The following MTFR1 variants were observed in gnomAD, a reference collection of about 807,000 sequenced individuals.
MTFR1 encodes mitochondrial fission regulator 1.
Under a neutral mutation model 38.8 loss-of-function variants are expected in MTFR1, and 28 were observed. That is an observed-to-expected ratio of 0.72 (90% CI 0.53 to 0.99). MTFR1 has a LOEUF of 0.99. MTFR1 is among the 50% of genes least tolerant of loss of function. The pLI is 0.00. For synonymous variants in MTFR1, 145 were observed against 137.0 expected, an observed-to-expected ratio of 1.06 and a Z score of -0.41; for missense variants, 358 against 395.5, an observed-to-expected ratio of 0.91 and a Z score of 0.81.
chr8:65,734,756 C>T (rs201373780), intron 3 of MTFR1: 4 of 1,160,096 alleles, frequency 3.4e-6, no homozygotes, highest in Non-Finnish European at 3.9e-6. Flanking sequence ...AAGGAATTTT[C>T]TTATGATTTT....
intron 3 of MTFR1, among the ~76,000 whole-genome samples, chr8:65,768,919 A>C (rs953231710): frequency 2.0e-5 from 3 of 152,190 alleles, no homozygotes; most frequent in Non-Finnish European, 4.4e-5. Context: ...CTATCTGAGG[A>C]AATTTTTTTA....
At chr8:65,775,775 G>A (rs754587503), downstream of MTFR1, among the ~76,000 whole-genome samples, 11 of 152,104 alleles carry the variant, frequency 7.2e-5, no homozygotes, top group African/African-American at 2.4e-4. Context: ...TTACAGGCAC[G>A]CACCACTGCA....
intron 3 of MTFR1, chr8:65,719,791 A>C: frequency 2.7e-6 from 1 of 370,856 alleles, no homozygotes; most frequent in Non-Finnish European, 5.1e-6. Context: ...CTTAAGCAAA[A>C]ATACACTGCC....
chr8:65,727,434 T>A (rs1381851838), intron 3 of MTFR1: 97 of 1,316,984 alleles, frequency 7.4e-5, no homozygotes, highest in Non-Finnish European at 9.6e-5. Flanking sequence ...CCTCAGGTGG[T>A]TGTTCATTAG....
chr8:65,708,250 T>C, intron 7 of MTFR1: 4 of 802,350 alleles, frequency 5.0e-6, no homozygotes, highest in Non-Finnish European at 7.4e-6. Context: ...TTTGGAAATT[T>C]GAAACTTGTA....
chr8:65,663,094 GA>G (rs1484320937), intron 1 of MTFR1, among the ~76,000 whole-genome samples: 2 of 152,222 alleles, frequency 1.3e-5, no homozygotes, highest in Non-Finnish European at 2.9e-5. Context: ...AGAAAGGGGG[GA>G]AAGGTGGGGA....
rs576380623 is a variant in MTFR1 at position 65,769,313 on chromosome 8, A to T, written c.*49-1634A>T. ...TATTTTTTTTAAAAAATTGTTATGAAAGTCTGCATGATACGGCCATCTGAG... is the reference window on the plus strand; with the variant it reads ...TATTTTTTTTAAAAAATTGTTATGATAGTCTGCATGATACGGCCATCTGAG... On this transcript the variant is annotated intron_variant, in intron 3 of 3. Transcript: ENST00000521247. 6.6e-5 allele frequency among the ~76,000 whole-genome samples: 10 copies of T among 152,204 alleles called. No homozygotes were observed. In the South Asian group the frequency reaches 1.9e-3, roughly 28 times the overall value.
chr8:65,719,076 T>C, intron 2 of MTFR1: 1 of 570,414 alleles, frequency 1.8e-6, no homozygotes, highest in South Asian at 2.3e-5. Context: ...AGGTTTCACA[T>C]GAAAGCCAAA....
intron 4 of MTFR1, among the ~76,000 whole-genome samples, chr8:65,703,183 C>T (rs1563456605): frequency 6.6e-6 from 1 of 151,438 alleles, no homozygotes; most frequent in Admixed American, 6.6e-5. Context: ...TCATGACCAG[C>T]CTGGGCAACA....
intron 3 of MTFR1, among the ~76,000 whole-genome samples, chr8:65,687,574 T>C (rs1417473358): frequency 6.6e-6 from 1 of 152,066 alleles, no homozygotes; most frequent in Non-Finnish European, 1.5e-5. Flanking sequence ...TTCGATCTCC[T>C]GACCTCGTGA....
intron 1 of MTFR1, among the ~76,000 whole-genome samples, chr8:65,657,331 A>C (rs67433957): frequency 0.19 from 29,222 of 152,184 alleles, 2,973 homozygotes; most frequent in Middle Eastern, 0.23. Flanking sequence ...TGTTTTAAAC[A>C]AGATTTTATT....
intron 3 of MTFR1, chr8:65,682,960 G>A (rs1338135138): frequency 4.1e-6 from 4 of 976,348 alleles, no homozygotes; most frequent in South Asian, 4.7e-5. Context: ...TGTGGTTTTC[G>A]CAGTGAGGTG....
chr8:65,770,959 A>G (rs1350362520), exon 4 of MTFR1: 10 of 266,082 alleles, frequency 3.8e-5, no homozygotes, highest in Non-Finnish European at 7.6e-5. Flanking sequence ...AAGACTCGTT[A>G]AAGTCAGAAC....
At chr8:65,682,049 TATGAAAACCTG>T (rs551293749) in intron 2 of MTFR1, 71 of 162,672 alleles carry the variant, frequency 4.4e-4, no homozygotes, top group African/African-American at 1.6e-3. Flanking sequence ...TGCAGAATAG[TATGAAAACCTG>T]ATGAAAATAA....
At chr8:65,671,495 A>G (rs1804567148) in intron 2 of MTFR1, among the ~76,000 whole-genome samples, 1 of 150,708 alleles carries the variant, frequency 6.6e-6, no homozygotes, top group Non-Finnish European at 1.5e-5. Flanking sequence ...AGATTGTGCC[A>G]CTGTACTCCA....
intron 1 of MTFR1, among the ~76,000 whole-genome samples, chr8:65,659,256 T>C (rs1398703590): frequency 6.6e-6 from 1 of 152,108 alleles, no homozygotes; most frequent in Admixed American, 6.6e-5. Context: ...TTTTGGTTAG[T>C]GTCTGTTGGA....
At chr8:65,698,505 C>T (rs901250025) in intron 4 of MTFR1, among the ~76,000 whole-genome samples, 2 of 151,764 alleles carry the variant, frequency 1.3e-5, no homozygotes, top group African/African-American at 4.8e-5. Flanking sequence ...TTTGAAAATC[C>T]AAAATCAGAA....
At chr8:65,711,958 C>T (rs1012289573), downstream of MTFR1, among the ~76,000 whole-genome samples, 1 of 152,186 alleles carries the variant, frequency 6.6e-6, no homozygotes, top group African/African-American at 2.4e-5. Flanking sequence ...ACAGTGCCTC[C>T]TGATCATACC....
chr8:65,646,789 C>T (rs549289855), intron 1 of MTFR1, among the ~76,000 whole-genome samples: 2 of 152,316 alleles, frequency 1.3e-5, no homozygotes, highest in African/African-American at 4.8e-5. Context: ...ACTCCTTTAG[C>T]ACATAGCATA....
Sources: gnomAD v4.1 joint callset for allele counts (sites outside exome capture counted in the v4.1 genomes callset) on GRCh38, gnomAD v4.1.1 for gene constraint, MANE v1.5 for transcripts, NCBI Gene and HGNC (gene_info 2026-07-23, HGNC 2026-07-21) for gene names.